The following CTNNA2 variants were observed in gnomAD, a reference collection of about 807,000 sequenced individuals.
CTNNA2 encodes the protein catenin alpha 2, also known as catenin alpha-2.
Under a neutral mutation model 101.0 loss-of-function variants are expected in CTNNA2, and 42 were observed. That is an observed-to-expected ratio of 0.42 (90% CI 0.32 to 0.54). CTNNA2 has a LOEUF of 0.54. Ranked by LOEUF, CTNNA2 falls within the 20% of genes least tolerant of loss-of-function variation. The pLI, the probability that CTNNA2 is intolerant of heterozygous loss-of-function variation, is 0.14. For synonymous variants in CTNNA2, 450 were observed against 456.4 expected, an observed-to-expected ratio of 0.99 and a Z score of 0.18; for missense variants, 871 against 1,223.1, an observed-to-expected ratio of 0.71 and a Z score of 4.29.
At chr2:80,251,670 G>T (rs994440845) in intron 7 of CTNNA2, among the ~76,000 whole-genome samples, 4 of 152,264 alleles carry the variant, frequency 2.6e-5, no homozygotes, top group African/African-American at 7.2e-5. Flanking sequence ...GTTATTGGAT[G>T]ATTGCTCATT....
intron 7 of CTNNA2, among the ~76,000 whole-genome samples, chr2:80,006,847 A>T (rs1032473815): frequency 2.6e-5 from 4 of 152,036 alleles, no homozygotes; most frequent in South Asian, 2.1e-4. Context: ...CTCTGTTCTT[A>T]TTGGAATCCC....
chr2:80,156,727 G>A (rs1558860159), intron 7 of CTNNA2, among the ~76,000 whole-genome samples: 1 of 152,232 alleles, frequency 6.6e-6, no homozygotes, highest in Non-Finnish European at 1.5e-5. Flanking sequence ...CAGACAGGTG[G>A]TGGGTACCAC....
chr2:79,902,192 A>G (rs192647890), intron 6 of CTNNA2, among the ~76,000 whole-genome samples: 66 of 152,316 alleles, frequency 4.3e-4, no homozygotes, highest in Non-Finnish European at 7.8e-4. Context: ...TGATTCCCTC[A>G]CGATGATTAG....
intron 1 of CTNNA2, among the ~76,000 whole-genome samples, chr2:79,559,523 T>G (rs908684088): frequency 1.3e-5 from 2 of 151,952 alleles, no homozygotes; most frequent in Non-Finnish European, 2.9e-5. Context: ...TTGAGTAAAC[T>G]TGGGAATATA....
Position 79,828,333 on chromosome 2 carries a change from T to C in CTNNA2, c.299-29680T>C, listed in dbSNP as rs926734879. 5.9e-4 allele frequency among the ~76,000 whole-genome samples: 90 copies of C among 152,362 alleles called. 1 individual carries two copies. Among genetic ancestry groups the C allele is most frequent in the African/African-American group, 2.1e-3 (88 of 41,598 alleles). On this transcript the variant is annotated intron_variant, in intron 3 of 18. Coordinates refer to ENST00000402739, the MANE Select transcript of CTNNA2 (RefSeq NM_001282597.3). Reference sequence around the variant, plus strand: ...TTTGAGACATATCCATTATGATTATTATGACATTTTATTTTTGTCCATTTA... The same window carrying C: ...TTTGAGACATATCCATTATGATTATCATGACATTTTATTTTTGTCCATTTA...
At chr2:79,296,337 A>G (rs1444213984) in intron 2 of CTNNA2, among the ~76,000 whole-genome samples, 1 of 152,158 alleles carries the variant, frequency 6.6e-6, no homozygotes, top group Non-Finnish European at 1.5e-5. Flanking sequence ...TTAACTTTGC[A>G]AACTTTTCAA....
intron 7 of CTNNA2, among the ~76,000 whole-genome samples, chr2:80,051,823 T>G (rs1304215004): frequency 6.6e-6 from 1 of 152,158 alleles, no homozygotes; most frequent in Non-Finnish European, 1.5e-5. Flanking sequence ...AAGAATAAGA[T>G]GTGCAGAAAA....
intron 3 of CTNNA2, among the ~76,000 whole-genome samples, chr2:79,322,359 T>C (rs994686299): frequency 3.3e-5 from 5 of 152,218 alleles, no homozygotes; most frequent in Non-Finnish European, 7.3e-5. Flanking sequence ...TATCTAGATA[T>C]CTTTAATAGT....
chr2:80,132,096 T>C (rs150523009), intron 7 of CTNNA2, among the ~76,000 whole-genome samples: 137 of 152,136 alleles, frequency 9.0e-4, no homozygotes, highest in Non-Finnish European at 1.3e-3. Flanking sequence ...AACATGTATA[T>C]ATAAATATAT....
intron 2 of CTNNA2, among the ~76,000 whole-genome samples, chr2:79,311,690 C>A (rs1437638381): frequency 6.6e-6 from 1 of 152,124 alleles, no homozygotes; most frequent in Non-Finnish European, 1.5e-5. Context: ...CAAACCCCCA[C>A]TCGGTGCTCC....
chr2:79,271,342 C>T (rs1337131021), intron 2 of CTNNA2, among the ~76,000 whole-genome samples: 3 of 152,056 alleles, frequency 2.0e-5, no homozygotes, highest in East Asian at 1.9e-4. Flanking sequence ...CTGTAATGCA[C>T]ACGTGGGTCA....
At chr2:79,792,508 G>A (rs1187543607) in intron 3 of CTNNA2, among the ~76,000 whole-genome samples, 1 of 152,116 alleles carries the variant, frequency 6.6e-6, no homozygotes, top group Non-Finnish European at 1.5e-5. Context: ...CTGGATGAAG[G>A]AAGGCCTTGT....
chr2:80,384,415 A>G (rs1355320925), intron 7 of CTNNA2, among the ~76,000 whole-genome samples: 2 of 148,894 alleles, frequency 1.3e-5, no homozygotes, highest in African/African-American at 2.6e-5. Context: ...CCGAACCTCA[A>G]AGTTAAAAGA....
At chr2:79,882,990 C>A (rs1683565297) in intron 6 of CTNNA2, among the ~76,000 whole-genome samples, 1 of 152,198 alleles carries the variant, frequency 6.6e-6, no homozygotes, top group South Asian at 2.1e-4. Context: ...CCACCCTGCT[C>A]TTCCTCTCCG....
intron 3 of CTNNA2, among the ~76,000 whole-genome samples, chr2:79,830,313 C>T (rs1240795768): frequency 6.6e-6 from 1 of 152,112 alleles, no homozygotes; most frequent in East Asian, 1.9e-4. Flanking sequence ...AGTCCTGGCA[C>T]TGACTTGGAA....
chr2:79,556,007 T>A (rs1430976164), intron 1 of CTNNA2, among the ~76,000 whole-genome samples: 1 of 152,102 alleles, frequency 6.6e-6, no homozygotes, highest in Non-Finnish European at 1.5e-5. Context: ...TCAAAACACA[T>A]TAACTTCGAG....
At chr2:80,315,043 G>A (rs1032084786) in intron 7 of CTNNA2, among the ~76,000 whole-genome samples, 3 of 152,074 alleles carry the variant, frequency 2.0e-5, no homozygotes, top group Non-Finnish European at 4.4e-5. Flanking sequence ...AAAATGAGTT[G>A]AATTATAAAA....
intron 2 of CTNNA2, among the ~76,000 whole-genome samples, chr2:79,711,020 T>G (rs1685703210): frequency 6.6e-6 from 1 of 152,200 alleles, no homozygotes; most frequent in Non-Finnish European, 1.5e-5. Flanking sequence ...ATTCATAAAA[T>G]GCGCTCATTT....
chr2:79,710,430 T>C (rs1001776034), intron 2 of CTNNA2, among the ~76,000 whole-genome samples: 2 of 152,212 alleles, frequency 1.3e-5, no homozygotes, highest in African/African-American at 4.8e-5. Context: ...GGAATATGCA[T>C]GAAGGACAGA....
Sources: gnomAD v4.1 joint callset for allele counts (sites outside exome capture counted in the v4.1 genomes callset) on GRCh38, gnomAD v4.1.1 for gene constraint, MANE v1.5 for transcripts, NCBI Gene and HGNC (gene_info 2026-07-23, HGNC 2026-07-21) for gene names.